PNPLA1: variants seen among roughly 807,000 people sequenced by gnomAD.
PNPLA1 encodes the protein patatin like domain 1, omega-hydroxyceramide transacylase.
PNPLA1 carries 36 observed loss-of-function variants against 51.7 expected under a neutral mutation model. That is an observed-to-expected ratio of 0.70 (90% CI 0.53 to 0.92). The LOEUF is 0.92. Among genes scored for constraint, PNPLA1 ranks in the 40% least tolerant of loss-of-function variants. The pLI is 0.00. For missense variants in PNPLA1, 658 were observed against 682.5 expected, an observed-to-expected ratio of 0.96 and a Z score of 0.40; for synonymous variants, 293 against 280.1, an observed-to-expected ratio of 1.05 and a Z score of -0.46.
chr6:36,298,051 A>C (rs978510270), intron 5 of PNPLA1, among the ~76,000 whole-genome samples: 6 of 151,984 alleles, frequency 3.9e-5, no homozygotes, highest in Non-Finnish European at 7.4e-5. Flanking sequence ...TACAATGTGA[A>C]CTCTTTTTTA....
chr6:36,267,801 G>C (rs1004161883), upstream of PNPLA1, among the ~76,000 whole-genome samples: 1 of 151,998 alleles, frequency 6.6e-6, no homozygotes, highest in Admixed American at 6.6e-5. Flanking sequence ...CCCATGGATA[G>C]TGCCCATGTC....
chr6:36,244,564 T>C (rs996180290), intron 1 of PNPLA1, among the ~76,000 whole-genome samples: 1 of 152,206 alleles, frequency 6.6e-6, no homozygotes, highest in Non-Finnish European at 1.5e-5. Context: ...ACCCATTCTG[T>C]GTGAGCATCC....
chr6:36,262,577 G>T (rs370829059), intron 1 of PNPLA1, among the ~76,000 whole-genome samples: 5 of 152,172 alleles, frequency 3.3e-5, no homozygotes, highest in Non-Finnish European at 5.9e-5. Context: ...CCCTCCACCC[G>T]CAAGCCCCAG....
chr6:36,278,218 G>A (rs1770171147), intron 1 of PNPLA1, among the ~76,000 whole-genome samples: 1 of 152,134 alleles, frequency 6.6e-6, no homozygotes, highest in Non-Finnish European at 1.5e-5. Context: ...AACTAGATTG[G>A]TTGAGCAATC....
intron 1 of PNPLA1, among the ~76,000 whole-genome samples, chr6:36,272,136 T>C (rs985599103): frequency 1.3e-5 from 2 of 152,198 alleles, no homozygotes; most frequent in Non-Finnish European, 2.9e-5. Context: ...TGTTTTAATA[T>C]ATAATGAAAT....
chr6:36,291,262 C>A, intron 1 of PNPLA1, 58 bp from the exon 2 acceptor site: 2 of 1,427,496 alleles, frequency 1.4e-6, no homozygotes, highest in South Asian at 2.5e-5. Context: ...CTAGACCTCC[C>A]TTGGCCCCTG....
chr6:36,291,566 G>GAA lies in PNPLA1; in HGVS notation c.438+14_438+15insAA. ...GAGCTCATTGAGGCAAGGGGGCTGG[G>GAA]CTGGGAGGGAGGGACACGGAGGGGG... On this transcript the variant is annotated intron_variant, in intron 2 of 8. Coordinates refer to ENST00000636260, the MANE Select transcript of PNPLA1 (RefSeq NM_001374623.1). 1 of 1,226,762 alleles carries GAA rather than the reference G, an allele frequency of 8.2e-7. No homozygotes were observed. Among genetic ancestry groups the GAA allele is most frequent in the Non-Finnish European group, 1.2e-6 (1 of 856,690 alleles). The allele number at this position is 1,226,762 out of a possible 1,614,324, so 76.0% of individuals were successfully genotyped here. A position where few individuals can be genotyped will look rare whatever the true frequency, so the allele number is the denominator to read the frequency against.
chr6:36,266,976 A>G (rs1362810700), upstream of PNPLA1, among the ~76,000 whole-genome samples: 1 of 152,198 alleles, frequency 6.6e-6, no homozygotes, highest in African/African-American at 2.4e-5. Context: ...CTTTCTCCCC[A>G]GTATCCATCC....
chr6:36,302,683 T>C (rs1320837424), intron 6 of PNPLA1, among the ~76,000 whole-genome samples: 1 of 152,198 alleles, frequency 6.6e-6, no homozygotes, highest in South Asian at 2.1e-4. Context: ...CTTCTCAAAG[T>C]GCGATCCCCC....
chr6:36,259,877 T>TGCTTA (rs1184174105), intron 1 of PNPLA1, among the ~76,000 whole-genome samples: 1 of 152,168 alleles, frequency 6.6e-6, no homozygotes, highest in African/African-American at 2.4e-5. Flanking sequence ...TTGAGTACTA[T>TGCTTA]GCTTAGTACC....
At chr6:36,295,231 C>A in intron 4 of PNPLA1, 133 bp from the exon 5 acceptor site, 1 of 850,312 alleles carries the variant, frequency 1.2e-6, no homozygotes, top group Non-Finnish European at 1.9e-6. Flanking sequence ...GGATGGGACA[C>A]TGGATGGGTA....
chr6:36,260,583 G>A (rs1012357106), intron 1 of PNPLA1, among the ~76,000 whole-genome samples: 27 of 152,246 alleles, frequency 1.8e-4, no homozygotes, highest in South Asian at 4.1e-4. Flanking sequence ...GGCCACCGAT[G>A]TTTTCAGTCT....
intron 1 of PNPLA1, among the ~76,000 whole-genome samples, chr6:36,247,770 G>T (rs1245860183): frequency 1.3e-5 from 2 of 152,204 alleles, no homozygotes; most frequent in African/African-American, 4.8e-5. Context: ...TTTGGTCTGG[G>T]AGAAGCTCTT....
intron 1 of PNPLA1, among the ~76,000 whole-genome samples, chr6:36,244,544 T>A (rs903603278): frequency 3.3e-5 from 5 of 152,176 alleles, no homozygotes; most frequent in African/African-American, 1.2e-4. Flanking sequence ...CCCGACCTTA[T>A]GCAGTTACAA....
At chr6:36,263,985 G>A (rs1769708107) in intron 1 of PNPLA1, among the ~76,000 whole-genome samples, 3 of 152,206 alleles carry the variant, frequency 2.0e-5, no homozygotes, top group Non-Finnish European at 4.4e-5. Context: ...CCTTTCCCAC[G>A]GAAAACACCG....
chr6:36,257,235 T>C (rs1806066458), intron 1 of PNPLA1, among the ~76,000 whole-genome samples: 1 of 152,204 alleles, frequency 6.6e-6, no homozygotes, highest in African/African-American at 2.4e-5. Context: ...TATTTTAGGG[T>C]ATCATTTTCT....
intron 1 of PNPLA1, among the ~76,000 whole-genome samples, chr6:36,289,619 A>G (rs1380118135): frequency 6.6e-6 from 1 of 152,072 alleles, no homozygotes; most frequent in African/African-American, 2.4e-5. Context: ...TTCGAAAAAA[A>G]AAAAGGCTGT....
chr6:36,294,059 T>C lies in PNPLA1; in HGVS notation c.505-131T>C, dbSNP rs1216130542. On this transcript the variant is annotated intron_variant, in intron 3 of 8. Transcript: ENST00000636260. This position sits in a 1 kb window ranked among gnomAD's most constrained non-coding sequence, Gnocchi z 4.2. The stretch of plus-strand genomic sequence containing the variant: ...AGGACCTCCGTCTCCAGGCTTATCC[T>C]GAGGGGTCTTCTGGATCTTCCTTGA... The C allele has an allele frequency of 9.3e-7, 1 of 1,077,578 alleles. No individual in the cohort carries two copies. The highest frequency in any genetic ancestry group is 2.6e-5 in the East Asian group (1 of 38,594). 66.8% of individuals were successfully genotyped at this position (1,077,578 alleles called of 1,614,324 possible). A position where few individuals can be genotyped will look rare whatever the true frequency, so the allele number is the denominator to read the frequency against.
chr6:36,267,559 A>G (rs1769788446), upstream of PNPLA1, among the ~76,000 whole-genome samples: 1 of 152,190 alleles, frequency 6.6e-6, no homozygotes, highest in South Asian at 2.1e-4. Flanking sequence ...GGGCCATGTC[A>G]GGATGCACTG....
Sources: gnomAD v4.1 joint callset for allele counts (sites outside exome capture counted in the v4.1 genomes callset) on GRCh38, gnomAD v4.1.1 for gene constraint, Gnocchi (gnomAD v3.1) non-coding constraint, MANE v1.5 for transcripts, NCBI Gene and HGNC (gene_info 2026-07-23, HGNC 2026-07-21) for gene names.